DCAF1: variants seen among roughly 807,000 people sequenced by gnomAD.
DCAF1 encodes DDB1 and CUL4 associated factor 1.
A neutral mutation model predicts 128.0 loss-of-function variants in DCAF1; 15 were observed. That is an observed-to-expected ratio of 0.12 (90% CI 0.08 to 0.18). The LOEUF (loss-of-function observed/expected upper bound fraction) is 0.18. DCAF1 is among the 10% of genes least tolerant of loss of function. The pLI, the probability that DCAF1 is intolerant of heterozygous loss-of-function variation, is 1.00. For synonymous variants in DCAF1, 610 were observed against 603.0 expected (o/e 1.01, Z -0.17); for missense variants, 988 against 1,649.5 (o/e 0.60, Z 6.95).
intron 10 of DCAF1, among the ~76,000 whole-genome samples, chr3:51,432,609 C>A (rs971637044): frequency 6.6e-6 from 1 of 152,066 alleles, no homozygotes; most frequent in Non-Finnish European, 1.5e-5. Flanking sequence ...CAGGCACCTG[C>A]CACCATGCCC....
intron 3 of DCAF1, among the ~76,000 whole-genome samples, chr3:51,474,871 G>A (rs782023752): frequency 3.5e-5 from 5 of 144,244 alleles, no homozygotes; most frequent in Non-Finnish European, 6.0e-5. Context: ...TGCAACCTCC[G>A]CCTCCCAGGT....
At chr3:51,505,635 C>A in the DCAF1 span, among the ~76,000 whole-genome samples, 1 of 152,346 alleles carries the variant, frequency 6.6e-6, no homozygotes, top group Non-Finnish European at 1.5e-5. Flanking sequence ...CAGGTCCAGG[C>A]TTCTGACAAG....
At chr3:51,396,006 CAG>C (rs1331143714), downstream of DCAF1, 1 of 412,936 alleles carries the variant, frequency 2.4e-6, no homozygotes, top group African/African-American at 2.1e-5. Flanking sequence ...CCGCCAGAAA[CAG>C]GAGTGGGTCT....
chr3:51,435,351 T>C (rs1700713303), intron 9 of DCAF1, among the ~76,000 whole-genome samples: 1 of 152,330 alleles, frequency 6.6e-6, no homozygotes, highest in African/African-American at 2.4e-5. Flanking sequence ...GTGCAAAGTA[T>C]AACCATGAGC....
chr3:51,483,791 T>G lies in DCAF1; in HGVS notation c.38A>C (p.Glu13Ala). The G allele has an allele frequency of 3.7e-6, 6 of 1,613,868 alleles. No homozygotes were observed. The highest frequency in any genetic ancestry group is 5.1e-6 in the Non-Finnish European group (6 of 1,179,874). The change falls in exon 3 of 25, where the codon GAG (glutamate) becomes GCG (alanine). Residue 13 changes from glutamate to alanine, a missense_variant. Physicochemically the swap from Glu to Ala is moderately radical, Grantham distance 107. Transcript: ENST00000684031. ...CCACTGCTCCAGCAGGGTAGTGAGC[T>G]CAGCTTTGGAGTCCACATGTACCAC... ...TVVVHVDSKA[E>A]LTTLLEQWEK... is the part of the protein sequence containing the mutation.
At chr3:51,445,787 T>C (rs1553640099) in intron 6 of DCAF1, among the ~76,000 whole-genome samples, 2 of 152,196 alleles carry the variant, frequency 1.3e-5, no homozygotes, top group African/African-American at 4.8e-5. Context: ...CAATAGTGAA[T>C]AGAAGTCCTC....
At chr3:51,483,638 TG>T in intron 3 of DCAF1, 80 bp downstream of exon 3, 1 of 883,550 alleles carries the variant, frequency 1.1e-6, no homozygotes, top group Non-Finnish European at 1.9e-6. Context: ...TGTGTGTGTG[TG>T]TGTGTGTATG....
chr3:51,396,446 G>T (rs1052508081), downstream of DCAF1: 2 of 167,188 alleles, frequency 1.2e-5, no homozygotes, highest in African/African-American at 2.4e-5. Flanking sequence ...GCACTAGTTA[G>T]GGGAGGTCAG....
At chr3:51,476,010 TTAA>T (rs1553650433) in intron 3 of DCAF1, among the ~76,000 whole-genome samples, 2 of 152,170 alleles carry the variant, frequency 1.3e-5, no homozygotes, top group African/African-American at 4.8e-5. Context: ...TGGGTTTCAG[TTAA>T]TTAGAATAAA....
chr3:51,402,153 G>GA (rs148322435), intron 24 of DCAF1, among the ~76,000 whole-genome samples: 1,647 of 152,094 alleles, frequency 0.011, 43 homozygotes, highest in African/African-American at 0.037. Context: ...TCAAAATTTG[G>GA]ATTAAGAAAA....
intron 17 of DCAF1, among the ~76,000 whole-genome samples, chr3:51,417,523 A>G (rs1056181486): frequency 6.6e-6 from 1 of 152,174 alleles, no homozygotes; most frequent in African/African-American, 2.4e-5. Context: ...GATCAACACC[A>G]TCCTGGCTAA....
At chr3:51,478,792 C>T (rs544661708) in intron 3 of DCAF1, among the ~76,000 whole-genome samples, 1 of 152,166 alleles carries the variant, frequency 6.6e-6, no homozygotes, top group Admixed American at 6.6e-5. Flanking sequence ...TCTGGCCTAA[C>T]TTTCTTAATC....
intron 23 of DCAF1, among the ~76,000 whole-genome samples, chr3:51,408,998 C>T (rs1186069131): frequency 1.3e-5 from 2 of 152,196 alleles, no homozygotes; most frequent in Non-Finnish European, 2.9e-5. Flanking sequence ...GGCTGGGCTC[C>T]AGAGCCACTC....
chr3:51,403,075 T>C (rs1553625419), intron 24 of DCAF1, 68 bp downstream of exon 24: 3 of 1,531,392 alleles, frequency 2.0e-6, no homozygotes, highest in African/African-American at 2.8e-5. Flanking sequence ...CTCTAAGTTG[T>C]ATGGGCACAA....
upstream of DCAF1, among the ~76,000 whole-genome samples, chr3:51,501,726 C>T (rs1485005906): frequency 3.3e-5 from 5 of 152,090 alleles, no homozygotes; most frequent in African/African-American, 7.2e-5. Context: ...GTGCTGGGAG[C>T]GCCACAGACA....
intron 1 of DCAF1, among the ~76,000 whole-genome samples, chr3:51,499,623 G>A (rs551319915): frequency 6.6e-6 from 1 of 151,790 alleles, no homozygotes; most frequent in Admixed American, 6.6e-5. Context: ...TTACTCTCGG[G>A]AAGCTTCTCG....
In DCAF1 at chr3:51,466,775, G is replaced by A. The variant is rs782201385; in HGVS notation, c.261+28C>T. 2.9e-5 allele frequency: 46 copies of A among 1,600,378 alleles called. No individual in the cohort carries two copies. The Middle Eastern group carries it at 6.6e-4, about 23-fold the overall frequency. On this transcript the variant is annotated intron_variant, in intron 5 of 24. Coordinates refer to ENST00000684031, the MANE Select transcript of DCAF1 (RefSeq NM_001387579.1). ...GATACAGCATCTACAGATGATAATC[G>A]CTGGAGAAAAGTAAGAAGCAAACCT...
rs550132023 is a variant in DCAF1, at chr3:51,480,295, A to G, written c.110+3424T>C. On this transcript the variant is annotated intron_variant, in intron 3 of 24. Coordinates refer to ENST00000684031, the MANE Select transcript of DCAF1 (RefSeq NM_001387579.1). ...ATACCAAGTGTAAAGGCACAAAGACATTAAAAAATACGTTAATCCAGCCGG... is the reference window on the plus strand; with the variant it reads ...ATACCAAGTGTAAAGGCACAAAGACGTTAAAAAATACGTTAATCCAGCCGG... Among the ~76,000 whole-genome samples the G allele has an allele frequency of 1.8e-4, 27 of 152,118 alleles. 1 individual carries two copies. The South Asian group carries it at 5.4e-3, about 30-fold the overall frequency.
chr3:51,408,743 T>C (rs1206130031), intron 23 of DCAF1, among the ~76,000 whole-genome samples: 2 of 152,198 alleles, frequency 1.3e-5, no homozygotes, highest in Non-Finnish European at 2.9e-5. Context: ...CCCGTATCTC[T>C]AAATCAAACA....
Sources: gnomAD v4.1 joint callset for allele counts (sites outside exome capture counted in the v4.1 genomes callset) on GRCh38, gnomAD v4.1.1 for gene constraint, MANE v1.5 for transcripts, NCBI Gene and HGNC (gene_info 2026-07-23, HGNC 2026-07-21) for gene names.